The following DNAH10 variants were observed in gnomAD, a reference collection of about 807,000 sequenced individuals.
The protein encoded by DNAH10 is dynein axonemal heavy chain 10.
Under a neutral mutation model 506.6 loss-of-function variants are expected in DNAH10, and 348 were observed. That is an observed-to-expected ratio of 0.69 (90% CI 0.63 to 0.75). DNAH10 has a LOEUF of 0.75. Among genes scored for constraint, DNAH10 ranks in the 30% least tolerant of loss-of-function variants. DNAH10 has a pLI of 0.00. For synonymous variants in DNAH10, 2,059 were observed against 2,198.6 expected (o/e 0.94, Z 1.78); for missense variants, 5,179 against 5,787.1 (o/e 0.89, Z 3.41).
At chr12:123,780,995 G>T in intron 5 of DNAH10, 85 bp from the exon 6 acceptor site, 98 of 657,002 alleles carry the variant, frequency 1.5e-4, no homozygotes, top group Middle Eastern at 3.7e-4. Flanking sequence ...TTTGAATAAA[G>T]AATATTCAAA....
chr12:123,788,903 C>G lies in DNAH10; in HGVS notation c.1620+901C>G, dbSNP rs868432168. Among the ~76,000 whole-genome samples the G allele has an allele frequency of 2.2e-5, 3 of 136,794 alleles. No homozygotes were observed. In the East Asian group the frequency reaches 6.4e-4, roughly 29 times the overall value. 89.7% of individuals were successfully genotyped at this position (136,794 alleles called of 152,430 possible). On this transcript the variant is annotated intron_variant, in intron 10 of 78. Coordinates refer to ENST00000673944, the MANE Select transcript of DNAH10 (RefSeq NM_001372106.1). ...TCACGCCAGTGTACCCCAGCCTGGG[C>G]GACAGAGTGAGACCTTGCTTCAAAA...
chr12:123,778,904 A>ATT (rs34114020), intron 5 of DNAH10, among the ~76,000 whole-genome samples: 1 of 143,924 alleles, frequency 6.9e-6, no homozygotes, highest in Non-Finnish European at 1.5e-5. Flanking sequence ...AGACTGTCTC[A>ATT]TTTTTTTTTT....
chr12:123,813,109 G>A lies in DNAH10; in HGVS notation c.3145-55G>A, dbSNP rs896094758. ...ATTACTGAATACTAATATGTACGTTGGAGGCAAAATAGATACTAAAATACT... is the reference window on the plus strand; with the variant it reads ...ATTACTGAATACTAATATGTACGTTAGAGGCAAAATAGATACTAAAATACT... On this transcript the variant is annotated intron_variant, in intron 19 of 78. Transcript: ENST00000673944. 12 of 1,363,224 alleles carry A rather than the reference G, an allele frequency of 8.8e-6. No homozygotes were observed. In the East Asian group the frequency reaches 2.3e-4, roughly 26 times the overall value. 84.4% of individuals were successfully genotyped at this position (1,363,224 alleles called of 1,614,324 possible). A position where few individuals can be genotyped will look rare whatever the true frequency, so the allele number is the denominator to read the frequency against.
intron 9 of DNAH10, 104 bp downstream of exon 9, chr12:123,786,040 A>C: frequency 7.9e-7 from 1 of 1,265,334 alleles, no homozygotes; most frequent in South Asian, 1.5e-5. Context: ...TAATTCTCTT[A>C]CTTAAAATGT....
At position 123,902,965 on chromosome 12, in the gene DNAH10, G is replaced by A. The variant is rs1953597166; in HGVS notation, c.9667G>A (p.Glu3223Lys). ...CGAGGAGAAGAAGAAACTGGCAGAGGAAAAGGCCATGGAGATAGAGGAGCA... is the reference window on the plus strand; with the variant it reads ...CGAGGAGAAGAAGAAACTGGCAGAGAAAAAGGCCATGGAGATAGAGGAGCA... Reference protein sequence around the residue: ...VAEEKKKLAEEKAMEIEEQNK... With the variant: ...VAEEKKKLAEKKAMEIEEQNK... Residue 3223 changes from glutamate to lysine, a missense_variant, in exon 57 of 79, where the codon GAA (glutamate) becomes AAA (lysine). Around this residue, in one of 3 missense-constraint regions of DNAH10, gnomAD observed 4,844 missense variants for 5,430.5 expected, o/e 0.89. Coordinates refer to ENST00000673944, the MANE Select transcript of DNAH10 (RefSeq NM_001372106.1). The surrounding 1 kb of genome is among the most constrained non-coding windows in gnomAD (Gnocchi z 4.5). 10 of 1,590,700 alleles carry A rather than the reference G, an allele frequency of 6.3e-6. No homozygotes were observed. Among genetic ancestry groups the A allele is most frequent in the Non-Finnish European group, 8.6e-6 (10 of 1,169,016 alleles).
At chr12:123,767,534 C>T in intron 1 of DNAH10, 72 bp from the exon 2 acceptor site, 3 of 1,454,028 alleles carry the variant, frequency 2.1e-6, no homozygotes, top group Admixed American at 2.0e-5. Context: ...CCACAGAAAG[C>T]AAAGATATCA....
chr12:123,762,662 G>A lies in DNAH10; in HGVS notation c.214+112G>A. On this transcript the variant is annotated intron_variant, in intron 1 of 78. Transcript: ENST00000673944. This position sits in a 1 kb window ranked among gnomAD's most constrained non-coding sequence, Gnocchi z 5.0. ...GCCCATCGTCCGGCCCCGGCCTCAG[G>A]TGCTGTCCACAAACGCTGCCGCCCG... The A allele has an allele frequency of 8.4e-7, 1 of 1,188,768 alleles. No homozygotes were observed. The allele number at this position is 1,188,768 out of a possible 1,614,324, so 73.6% of individuals were successfully genotyped here.
intron 52 of DNAH10, among the ~76,000 whole-genome samples, chr12:123,892,081 G>C (rs1190328139): frequency 6.6e-6 from 1 of 152,242 alleles, no homozygotes; most frequent in Non-Finnish European, 1.5e-5. Flanking sequence ...AGGGAGAGCG[G>C]GTAGTCAGCA....
chr12:123,768,280 G>A (rs186520568), intron 2 of DNAH10, among the ~76,000 whole-genome samples: 42 of 152,120 alleles, frequency 2.8e-4, no homozygotes, highest in East Asian at 1.5e-3. Context: ...GATCTCAGGC[G>A]CCCACCACCA....
At position 123,928,866 on chromosome 12, in the gene DNAH10, CCA is replaced by C. The variant is rs71088966; in HGVS notation, c.12306+286_12306+287del. 6,138 of 410,556 alleles carry C rather than the reference CCA, an allele frequency of 0.015. 38 individuals are homozygous for C. Among genetic ancestry groups the C allele is most frequent in the Middle Eastern group, 0.027 (45 of 1,680 alleles). 25.4% of individuals were successfully genotyped at this position (410,556 alleles called of 1,614,324 possible). On this transcript the variant is annotated intron_variant, in intron 70 of 78. Transcript: ENST00000673944. This position sits in a 1 kb window ranked among gnomAD's most constrained non-coding sequence, Gnocchi z 4.9. Reference sequence around the variant, plus strand: ...TTCATAAACTTCACGGCCCCCCCCCCCACACACAGCCTGCAGTTCGCTAGTGC... The same window carrying C: ...TTCATAAACTTCACGGCCCCCCCCCCCACACAGCCTGCAGTTCGCTAGTGC...
intron 24 of DNAH10, among the ~76,000 whole-genome samples, chr12:123,821,143 A>T (rs1476229077): frequency 1.3e-5 from 2 of 152,078 alleles, no homozygotes; most frequent in East Asian, 1.9e-4. Flanking sequence ...CCAGCTACTC[A>T]GGAGGCTGAG....
At chr12:123,879,166 T>C in intron 48 of DNAH10, 98 bp from the exon 49 acceptor site, 1 of 920,870 alleles carries the variant, frequency 1.1e-6, no homozygotes. Context: ...TGGGCCTTTA[T>C]TGCGCTCTGT....
At chr12:123,783,696 C>G (rs992216343) in intron 7 of DNAH10, among the ~76,000 whole-genome samples, 1 of 152,226 alleles carries the variant, frequency 6.6e-6, no homozygotes, top group Non-Finnish European at 1.5e-5. Flanking sequence ...GGCTGGCTTC[C>G]TTGCAGCAGT....
At chr12:123,847,849 C>A in intron 32 of DNAH10, 112 bp from the exon 33 acceptor site, 1 of 1,399,664 alleles carries the variant, frequency 7.1e-7, no homozygotes, top group Non-Finnish European at 9.6e-7. Context: ...TGAAAGCAAA[C>A]ACCACATTCT....
rs181426238 is a variant in DNAH10 at position 123,907,946 on chromosome 12, G to A, written c.9816-1315G>A. On this transcript the variant is annotated intron_variant, in intron 57 of 78. Transcript: ENST00000673944. This position sits in a 1 kb window ranked among gnomAD's most constrained non-coding sequence, Gnocchi z 4.4. Reference sequence around the variant, plus strand: ...TCCTGGCTGTTGCCCTGGCTTGTCCGTACACTATGGGGCCTTCTCTCCTCT... The same window carrying A: ...TCCTGGCTGTTGCCCTGGCTTGTCCATACACTATGGGGCCTTCTCTCCTCT... 5.6e-3 allele frequency among the ~76,000 whole-genome samples: 855 copies of A among 152,212 alleles called. 10 individuals are homozygous for A. Among genetic ancestry groups the A allele is most frequent in the South Asian group, 1.0e-2 (48 of 4,816 alleles).
intron 21 of DNAH10, among the ~76,000 whole-genome samples, chr12:123,817,143 T>C (rs1959167531): frequency 6.6e-6 from 1 of 151,494 alleles, no homozygotes; most frequent in Admixed American, 6.6e-5. Flanking sequence ...AGAATTTTTT[T>C]TTGGTCTTTG....
rs114452231 is a variant in DNAH10, at chr12:123,894,714, T to A, written c.9271T>A (p.Ser3091Thr). 7.1e-4 allele frequency: 1,150 copies of A among 1,613,852 alleles called. 13 individuals carry two copies. In the African/African-American group the frequency reaches 0.014, roughly 20 times the overall value. The change falls in exon 54 of 79, where the codon TCC becomes ACC. Residue 3091 changes from serine (S) to threonine (T), a missense_variant. Around this residue, in one of 3 missense-constraint regions of DNAH10, gnomAD observed 4,844 missense variants for 5,430.5 expected, o/e 0.89. Coordinates refer to ENST00000673944, the MANE Select transcript of DNAH10 (RefSeq NM_001372106.1). ...CCAAGCCCTCCATGCGGTCGCAAAGTCCTTTCTAGGTAAGTCACAGCTGTT... is the reference window on the plus strand; with the variant it reads ...CCAAGCCCTCCATGCGGTCGCAAAGACCTTTCTAGGTAAGTCACAGCTGTT... ...PPQALHAVAK[S>T]FLGYNPMIPA...
intron 43 of DNAH10, among the ~76,000 whole-genome samples, chr12:123,869,349 A>G (rs1327984015): frequency 3.3e-5 from 5 of 151,852 alleles, no homozygotes; most frequent in African/African-American, 1.2e-4. Flanking sequence ...GCCTTGCCTA[A>G]TTGCTCTGCT....
intron 57 of DNAH10, among the ~76,000 whole-genome samples, chr12:123,905,934 T>C (rs923168524): frequency 2.0e-5 from 3 of 152,066 alleles, no homozygotes; most frequent in African/African-American, 7.2e-5. Context: ...GCTTTTTTTT[T>C]TGAGACAGAG....
Sources: allele counts gnomAD v4.1 joint callset (sites outside exome capture counted in the v4.1 genomes callset), GRCh38; gene constraint gnomAD v4.1.1; regional missense constraint gnomAD v4.1.1; non-coding constraint Gnocchi (gnomAD v3.1); transcripts MANE v1.5; gene names NCBI Gene and HGNC (gene_info 2026-07-23, HGNC 2026-07-21).